DIP2C: variants seen among roughly 807,000 people sequenced by gnomAD.
DIP2C encodes the protein DIP2 acetate--CoA ligase C (putative).
A neutral mutation model predicts 192.4 loss-of-function variants in DIP2C; 33 were observed. The observed-to-expected ratio is 0.17, with a 90% CI of 0.13 to 0.23. The LOEUF is 0.23. DIP2C is among the 10% of genes least tolerant of loss of function. The pLI is 1.00. For missense variants in DIP2C, 1,537 were observed against 2,110.1 expected (o/e 0.73, Z 5.32); for synonymous variants, 979 against 864.1 (o/e 1.13, Z -2.33).
Position 369,559 on chromosome 10 carries a change from C to G in DIP2C, c.2066G>C (p.Arg689Pro). The G allele has an allele frequency of 1.2e-6, 2 of 1,601,108 alleles. No individual in the cohort carries two copies. Among genetic ancestry groups the G allele is most frequent in the Non-Finnish European group, 1.7e-6 (2 of 1,172,288 alleles). Reference protein sequence around the residue: ...SMHGLTYGVIRVDSEEKLSVL... With the variant: ...SMHGLTYGVIPVDSEEKLSVL... ...GGACAGCTTCTCTTCCGAGTCCACA[C>G]GAATGACCCCATAGGTCAGTCCATG... The change falls in exon 18 of 37, where the codon CGT becomes CCT. Residue 689 changes from arginine (R) to proline (P), a missense_variant. By Grantham distance (103) the Arg-to-Pro change is moderately radical. Coordinates refer to ENST00000280886, the MANE Select transcript of DIP2C (RefSeq NM_014974.3).
Position 313,704 on chromosome 10 carries a change from C to A in DIP2C, c.3925-3612G>T, listed in dbSNP as rs369841960. 2.0e-5 allele frequency among the ~76,000 whole-genome samples: 3 copies of A among 152,328 alleles called. No individual in the cohort carries two copies. The South Asian group carries it at 6.2e-4, about 32-fold the overall frequency. On this transcript the variant is annotated intron_variant, in intron 31 of 36. Coordinates refer to ENST00000280886, the MANE Select transcript of DIP2C (RefSeq NM_014974.3). ...ACAGGGAGTCTGGAAACCTGTCCCCCATTGAGGGACAAATGTATATACCAA... is the reference window on the plus strand; with the variant it reads ...ACAGGGAGTCTGGAAACCTGTCCCCAATTGAGGGACAAATGTATATACCAA...
intron 1 of DIP2C, among the ~76,000 whole-genome samples, chr10:649,256 G>C (rs1855706311): frequency 6.7e-6 from 1 of 150,000 alleles, no homozygotes; most frequent in Non-Finnish European, 1.5e-5. Flanking sequence ...GGCGAGAACA[G>C]AGGAAAACTG....
At position 580,569 on chromosome 10, in the gene DIP2C, A is replaced by G. The variant is rs377161459; in HGVS notation, c.86-94039T>C. Among the ~76,000 whole-genome samples, 22 of 148,466 alleles carry G rather than the reference A, an allele frequency of 1.5e-4. 2 individuals are homozygous for G. Among genetic ancestry groups the G allele is most frequent in the Admixed American group, 5.3e-4 (8 of 15,194 alleles). On this transcript the variant is annotated intron_variant, in intron 1 of 36. Transcript: ENST00000280886. Reference sequence around the variant, plus strand: ...TGCCCATAGCATGCACACATGTAGGACACATGTAGTGTACATACCTATACA... The same window carrying G: ...TGCCCATAGCATGCACACATGTAGGGCACATGTAGTGTACATACCTATACA...
intron 1 of DIP2C, among the ~76,000 whole-genome samples, chr10:525,051 T>G (rs1298456923): frequency 6.6e-6 from 1 of 151,690 alleles, no homozygotes; most frequent in Non-Finnish European, 1.5e-5. Flanking sequence ...CAACTTACAT[T>G]TAAATTATCT....
intron 5 of DIP2C, 34 bp downstream of exon 5, chr10:422,790 A>G: frequency 3.1e-6 from 5 of 1,594,264 alleles, no homozygotes; most frequent in Non-Finnish European, 4.3e-6. Flanking sequence ...CGTTTACACA[A>G]CAGGCACAGA....
chr10:383,489 G>T (rs1962568289), intron 16 of DIP2C, among the ~76,000 whole-genome samples: 1 of 152,186 alleles, frequency 6.6e-6, no homozygotes, highest in African/African-American at 2.4e-5. Context: ...TGTATTTATA[G>T]TATTCTGTGG....
intron 1 of DIP2C, among the ~76,000 whole-genome samples, chr10:610,186 G>A (rs567991380): frequency 1.3e-5 from 2 of 152,290 alleles, no homozygotes; most frequent in South Asian, 2.1e-4. Context: ...GGAGCTGGAG[G>A]ACATTACATT....
chr10:659,522 A>G (rs1856625092), intron 1 of DIP2C, among the ~76,000 whole-genome samples: 1 of 152,252 alleles, frequency 6.6e-6, no homozygotes, highest in Non-Finnish European at 1.5e-5. Context: ...ATGAGGTCTC[A>G]CACACAGCAC....
intron 3 of DIP2C, among the ~76,000 whole-genome samples, chr10:471,903 C>A (rs895492661): frequency 1.3e-5 from 2 of 152,114 alleles, no homozygotes; most frequent in Non-Finnish European, 2.9e-5. Flanking sequence ...CAGGTGCCCA[C>A]CACCACGCCC....
At chr10:616,969 G>A (rs759178306) in intron 1 of DIP2C, among the ~76,000 whole-genome samples, 1 of 152,076 alleles carries the variant, frequency 6.6e-6, no homozygotes, top group African/African-American at 2.4e-5. Context: ...CATCCCCACT[G>A]AGACTCCGTG....
intron 1 of DIP2C, chr10:641,716 CAGG>C (rs1855208218): frequency 6.5e-6 from 1 of 154,170 alleles, no homozygotes; most frequent in Non-Finnish European, 1.5e-5. Context: ...CAAGGAAAGA[CAGG>C]AGGCCAGGCG....
At chr10:650,139 C>A (rs1855763211) in intron 1 of DIP2C, 1 of 717,264 alleles carries the variant, frequency 1.4e-6, no homozygotes, top group Non-Finnish European at 2.6e-6. Flanking sequence ...GACAAGGACC[C>A]CCCAGGAGAG....
At chr10:505,859 A>G (rs1372246797) in intron 1 of DIP2C, among the ~76,000 whole-genome samples, 1 of 152,068 alleles carries the variant, frequency 6.6e-6, no homozygotes, top group Non-Finnish European at 1.5e-5. Context: ...GCACCTGACA[A>G]CAGTAGGATG....
rs1341506516 is a variant in DIP2C at position 348,630 on chromosome 10, A to G, written c.3231+11T>C. 2 of 1,611,318 alleles carry G rather than the reference A, an allele frequency of 1.2e-6. No homozygotes were observed. The highest frequency in any genetic ancestry group is 2.2e-5 in the South Asian group (2 of 90,672). On this transcript the variant is annotated intron_variant, in intron 26 of 36. Coordinates refer to ENST00000280886, the MANE Select transcript of DIP2C (RefSeq NM_014974.3). ...GGCAGGTGGAGGCCCCGACATTCCC[A>G]GGCATGTTACCTCCACAATCATCTT... is the stretch of plus-strand genomic sequence containing the variant.
At chr10:449,781 T>TAAA (rs370147180) in intron 3 of DIP2C, among the ~76,000 whole-genome samples, 3,802 of 128,554 alleles carry the variant, frequency 0.03, 111 homozygotes, top group African/African-American at 0.073. Flanking sequence ...TAAAGTATAA[T>TAAA]TAAAAAAAAA....
At chr10:507,339 G>C (rs1384130859) in intron 1 of DIP2C, among the ~76,000 whole-genome samples, 1 of 151,680 alleles carries the variant, frequency 6.6e-6, no homozygotes, top group Admixed American at 6.6e-5. Flanking sequence ...CAAGGTTAGG[G>C]ACCTGGTCAC....
intron 1 of DIP2C, among the ~76,000 whole-genome samples, chr10:585,229 C>G (rs903523356): frequency 1.3e-5 from 2 of 152,208 alleles, no homozygotes; most frequent in Non-Finnish European, 2.9e-5. Context: ...TTCGTCAGAG[C>G]AAGCGTTCCC....
At chr10:295,224 GCA>G (rs1955691775) in intron 32 of DIP2C, among the ~76,000 whole-genome samples, 1 of 152,048 alleles carries the variant, frequency 6.6e-6, no homozygotes, top group African/African-American at 2.4e-5. Flanking sequence ...TACTAGGGAG[GCA>G]AAAGTCAAAA....
At chr10:302,652 GCTC>G in intron 32 of DIP2C, among the ~76,000 whole-genome samples, 1 of 152,282 alleles carries the variant, frequency 6.6e-6, no homozygotes, top group South Asian at 2.1e-4. Flanking sequence ...AGCCTCCTAC[GCTC>G]CTATGCTGTA....
Sources: allele counts gnomAD v4.1 joint callset (sites outside exome capture counted in the v4.1 genomes callset), GRCh38; gene constraint gnomAD v4.1.1; transcripts MANE v1.5; gene names NCBI Gene and HGNC (gene_info 2026-07-23, HGNC 2026-07-21).